HMCN2: variants seen among roughly 807,000 people sequenced by gnomAD.
The protein encoded by HMCN2 is hemicentin 2, also known as hemicentin-2.
HMCN2 carries 325 observed loss-of-function variants against 377.5 expected under a neutral mutation model. The observed-to-expected ratio is 0.86, with a 90% confidence interval of 0.79 to 0.94. HMCN2 has a LOEUF of 0.94. HMCN2 is among the 40% of genes least tolerant of loss of function. The pLI, the probability that HMCN2 is intolerant of heterozygous loss-of-function variation, is 0.00. For missense variants in HMCN2, 4,543 were observed against 4,725.3 expected (o/e 0.96, Z 1.13); for synonymous variants, 2,007 against 2,046.8 (o/e 0.98, Z 0.53).
rs1290072113 is a variant in HMCN2 at position 130,430,649 on chromosome 9, C to T, written c.14647+45C>T. On this transcript the variant is annotated intron_variant, in intron 95 of 97. Transcript: ENST00000683500. ...ATCCACGGGACACTGCCGTTATGGG[C>T]TCTTGGGCCCCTAGGGTGGGTGTGC... 6 of 1,492,654 alleles carry T rather than the reference C, an allele frequency of 4.0e-6. No homozygotes were observed. In the South Asian group the frequency reaches 6.5e-5, roughly 16 times the overall value. The allele number at this position is 1,492,654 out of a possible 1,614,324, so 92.5% of individuals were successfully genotyped here.
At chr9:130,363,946 GAGAA>G (rs377538185) in intron 40 of HMCN2, among the ~76,000 whole-genome samples, 49 of 144,106 alleles carry the variant, frequency 3.4e-4, no homozygotes, top group Admixed American at 1.4e-3. Context: ...AGGAAGGAAA[GAGAA>G]AGAAAAAAAG....
intron 1 of HMCN2, among the ~76,000 whole-genome samples, chr9:130,274,623 A>G (rs1834581850): frequency 6.6e-6 from 1 of 152,158 alleles, no homozygotes; most frequent in Non-Finnish European, 1.5e-5. Context: ...ATATTCTACT[A>G]CTACTCTCAA....
rs117261363 is a variant in HMCN2, at chr9:130,351,164, G to C, written c.4431-259G>C. Among the ~76,000 whole-genome samples the C allele has an allele frequency of 8.6e-3, 1,310 of 152,210 alleles. 7 individuals are homozygous for C. The highest frequency in any genetic ancestry group is 0.012 in the Non-Finnish European group (829 of 68,016). On this transcript the variant is annotated intron_variant, in intron 29 of 97. Coordinates refer to ENST00000683500, the MANE Select transcript of HMCN2 (RefSeq NM_001291815.2). The surrounding 1 kb of genome is among the most constrained non-coding windows in gnomAD (Gnocchi z 5.4). ...TTTTGTGTCTGGCTTCTTCCACTCG[G>C]CATATTTTCCAGGTTCATCCATACT...
Position 130,354,885 on chromosome 9 carries a change from G to C in HMCN2, c.4987G>C (p.Glu1663Gln), listed in dbSNP as rs147929126. The change falls in exon 32 of 98, where the codon GAG (glutamate) becomes CAG (glutamine). Residue 1663 changes from glutamate to glutamine, a missense_variant. Glu to Gln is a conservative substitution (Grantham distance 29, BLOSUM62 2). Around this residue, in one of 5 missense-constraint regions of HMCN2, gnomAD observed 1,032 missense variants for 1,285.1 expected, o/e 0.80. Transcript: ENST00000683500. Reference sequence around the variant, plus strand: ...GTCCCCCACCCTCTCCTGGCACCACGAGGGGCTGCCCGTGGCAGAGAGCAA... The same window carrying C: ...GTCCCCCACCCTCTCCTGGCACCACCAGGGGCTGCCCGTGGCAGAGAGCAA... ...HPSPTLSWHH[E>Q]GLPVAESNES... is the part of the protein sequence containing the mutation. 1 of 1,304,282 alleles carries C rather than the reference G, an allele frequency of 7.7e-7. No homozygotes were observed. Among genetic ancestry groups the C allele is most frequent in the Non-Finnish European group, 1.0e-6 (1 of 988,938 alleles). 80.8% of individuals were successfully genotyped at this position (1,304,282 alleles called of 1,614,324 possible). A position where few individuals can be genotyped will look rare whatever the true frequency, so the allele number is the denominator to read the frequency against.
At chr9:130,387,998 T>C (rs1842108461) in intron 61 of HMCN2, among the ~76,000 whole-genome samples, 2 of 152,224 alleles carry the variant, frequency 1.3e-5, no homozygotes, top group South Asian at 4.1e-4. Flanking sequence ...ATGGCTACAT[T>C]GATGAACAGT....
Position 130,385,555 on chromosome 9 carries a change from C to T in HMCN2, c.9107-5C>T, listed in dbSNP as rs1214943853. Reference sequence around the variant, plus strand: ...GCACCTCACTCTGCTATCTCCTGCCCCCAGTTCCCCCGGCCTTCAGGCAGG... The same window carrying T: ...GCACCTCACTCTGCTATCTCCTGCCTCCAGTTCCCCCGGCCTTCAGGCAGG... On this transcript the variant is annotated splice_region_variant and splice_polypyrimidine_tract_variant and intron_variant, in intron 59 of 97. Transcript: ENST00000683500. 2.3e-6 allele frequency: 3 copies of T among 1,303,536 alleles called. No individual in the cohort carries two copies. Among genetic ancestry groups the T allele is most frequent in the Middle Eastern group, 2.1e-4 (1 of 4,716 alleles). The allele number at this position is 1,303,536 out of a possible 1,614,324, so 80.7% of individuals were successfully genotyped here.
chr9:130,374,659 G>A lies in HMCN2; in HGVS notation c.7596G>A (p.Gly2532=), dbSNP rs1841278519. ...CCTGCATTGCAGCCAACGCTGTTGG[G>A]GAGAAGACCAAACACTTCCAGCTCA... The part of the protein sequence containing the change: ...HYSCIAANAV[G]EKTKHFQLSV... The change falls in exon 49 of 98, where the codon GGG becomes GGA. Residue 2532 remains glycine (G), a synonymous_variant. Transcript: ENST00000683500. 1.0e-6 allele frequency: 1 copy of A among 985,770 alleles called. No individual in the cohort carries two copies. The highest frequency in any genetic ancestry group is 1.2e-6 in the Non-Finnish European group (1 of 829,940). 61.1% of individuals were successfully genotyped at this position (985,770 alleles called of 1,614,324 possible).
At chr9:130,432,105 G>A (rs1844793017) in intron 96 of HMCN2, among the ~76,000 whole-genome samples, 2 of 152,220 alleles carry the variant, frequency 1.3e-5, no homozygotes, top group African/African-American at 4.8e-5. Flanking sequence ...CTCTGCCCGT[G>A]GGCAGTGGGC....
intron 73 of HMCN2, 32 bp downstream of exon 73, chr9:130,396,345 G>T (rs1255425795): frequency 4.0e-6 from 5 of 1,243,324 alleles, no homozygotes; most frequent in South Asian, 2.6e-5. Context: ...CCTCAGGGAG[G>T]CTCTCAGGTG....
chr9:130,398,457 A>T, intron 74 of HMCN2, 94 bp from the exon 75 acceptor site: 1 of 463,130 alleles, frequency 2.2e-6, no homozygotes, highest in Non-Finnish European at 2.8e-6. Context: ...GGTGGAAGAC[A>T]GTAGGCAGTG....
rs1160148275 is a variant in HMCN2 at position 130,394,592 on chromosome 9, C to T, written c.10692+17C>T. 1.6e-6 allele frequency: 2 copies of T among 1,272,654 alleles called. No homozygotes were observed. Among genetic ancestry groups the T allele is most frequent in the Non-Finnish European group, 2.0e-6 (2 of 978,604 alleles). 78.8% of individuals were successfully genotyped at this position (1,272,654 alleles called of 1,614,324 possible). On this transcript the variant is annotated intron_variant, in intron 69 of 97. Transcript: ENST00000683500. This position sits in a 1 kb window ranked among gnomAD's most constrained non-coding sequence, Gnocchi z 5.1. Reference sequence around the variant, plus strand: ...AATGTGCAGGTACCAGTGCCGCCGCCATGGGGCGAGGCTGGGGGTTGGGGG... The same window carrying T: ...AATGTGCAGGTACCAGTGCCGCCGCTATGGGGCGAGGCTGGGGGTTGGGGG...
At chr9:130,280,188 G>A (rs1719285548) in intron 1 of HMCN2, among the ~76,000 whole-genome samples, 1 of 143,066 alleles carries the variant, frequency 7.0e-6, no homozygotes, top group Non-Finnish European at 1.5e-5. Context: ...TTGAGACGGA[G>A]TCTTGCTCTG....
intron 14 of HMCN2, among the ~76,000 whole-genome samples, 171 bp from the exon 15 acceptor site, chr9:130,309,741 C>T (rs1241323557): frequency 1.3e-5 from 2 of 152,124 alleles, no homozygotes; most frequent in Admixed American, 6.5e-5. Context: ...AAGCCCCCTG[C>T]AGGACTGGAC....
intron 57 of HMCN2, among the ~76,000 whole-genome samples, chr9:130,384,065 G>C (rs1177801413): frequency 6.6e-6 from 1 of 152,208 alleles, no homozygotes; most frequent in Non-Finnish European, 1.5e-5. Flanking sequence ...TCTGTCTCCA[G>C]ATGGTCTTGG....
At chr9:130,346,576 T>A (rs946182024) in intron 25 of HMCN2, among the ~76,000 whole-genome samples, 1 of 151,478 alleles carries the variant, frequency 6.6e-6, no homozygotes, top group Non-Finnish European at 1.5e-5. Context: ...CTGAGCAGAA[T>A]TGGGGCCTCC....
At chr9:130,367,941 CAAAAAAA>C (rs10565235) in intron 43 of HMCN2, among the ~76,000 whole-genome samples, 24 of 75,516 alleles carry the variant, frequency 3.2e-4, no homozygotes, top group Admixed American at 7.5e-4. Context: ...GACTCTGTCT[CAAAAAAA>C]AAAAAAAAAA....
rs782211503 is a variant in HMCN2 at position 130,299,275 on chromosome 9, T to G, written c.1263T>G (p.Ser421Arg). Residue 421 changes from serine to arginine, a missense_variant, in exon 8 of 98, where the codon AGT becomes AGG. Ser to Arg is a moderately radical substitution (Grantham distance 110, BLOSUM62 -1). Around this residue, in one of 5 missense-constraint regions of HMCN2, gnomAD observed 547 missense variants for 189.9 expected, o/e 2.88. Coordinates refer to ENST00000683500, the MANE Select transcript of HMCN2 (RefSeq NM_001291815.2). The stretch of plus-strand genomic sequence containing the variant: ...TTCGTGTCTCTGGAGTGTCCTACAG[T>G]GGGGTGGCCCCAGGTGAGTGGTTGG... ...PLLRVSGVSY[S>R]GVAPGAPLVS... 1.7e-4 allele frequency: 80 copies of G among 463,624 alleles called. 1 individual carries two copies. The highest frequency in any genetic ancestry group is 5.0e-5 in the Non-Finnish European group (11 of 221,670). The allele number at this position is 463,624 out of a possible 1,614,324, so 28.7% of individuals were successfully genotyped here.
intron 22 of HMCN2, among the ~76,000 whole-genome samples, chr9:130,336,860 G>A (rs926055914): frequency 0.028 from 4,239 of 152,274 alleles, 210 homozygotes; most frequent in African/African-American, 0.097. Flanking sequence ...CCGCGAGGTG[G>A]GGGCTATGAG....
chr9:130,349,534 C>T lies in HMCN2; in HGVS notation c.4304-3C>T. On this transcript the variant is annotated splice_polypyrimidine_tract_variant and splice_region_variant and intron_variant, in intron 28 of 97. Coordinates refer to ENST00000683500, the MANE Select transcript of HMCN2 (RefSeq NM_001291815.2). ...CCCACCCCTCACGCCTTCTCACCCC[C>T]AGCCCCTCCTTCCGTGCTTGGAGCC... 7.7e-7 allele frequency: 1 copy of T among 1,302,312 alleles called. No individual in the cohort carries two copies. Among genetic ancestry groups the T allele is most frequent in the African/African-American group, 1.5e-5 (1 of 65,942 alleles). 80.7% of individuals were successfully genotyped at this position (1,302,312 alleles called of 1,614,324 possible). A position where few individuals can be genotyped will look rare whatever the true frequency, so the allele number is the denominator to read the frequency against.
Sources: allele counts gnomAD v4.1 joint callset (sites outside exome capture counted in the v4.1 genomes callset), GRCh38; gene constraint gnomAD v4.1.1; regional missense constraint gnomAD v4.1.1; non-coding constraint Gnocchi (gnomAD v3.1); transcripts MANE v1.5; gene names NCBI Gene and HGNC (gene_info 2026-07-23, HGNC 2026-07-21).